Variants in NKAIN2 observed in about 807,000 individuals in gnomAD.
NKAIN2 encodes the protein sodium/potassium transporting ATPase interacting 2.
A neutral mutation model predicts 32.6 loss-of-function variants in NKAIN2; 14 were observed. That is an observed-to-expected ratio of 0.43 (90% CI 0.28 to 0.67). The LOEUF is 0.67. NKAIN2 is among the 30% of genes least tolerant of loss of function. The probability of loss-of-function intolerance (pLI) is 0.17; values close to 1 mark genes in which losing one functional copy is unlikely to be tolerated. For missense variants in NKAIN2, 198 were observed against 258.3 expected, an observed-to-expected ratio of 0.77 and a Z score of 1.60; for synonymous variants, 80 against 87.2, an observed-to-expected ratio of 0.92 and a Z score of 0.46.
chr6:124,176,904 A>G (rs554060953), intron 1 of NKAIN2, among the ~76,000 whole-genome samples: 1 of 152,118 alleles, frequency 6.6e-6, no homozygotes, highest in East Asian at 1.9e-4. Context: ...TATATTGACT[A>G]TTAACTTTTA....
intron 1 of NKAIN2, among the ~76,000 whole-genome samples, chr6:124,097,973 T>TGC (rs1784713907): frequency 6.6e-6 from 1 of 151,022 alleles, no homozygotes; most frequent in East Asian, 1.9e-4. Flanking sequence ...AGATGGACTA[T>TGC]ACTCATTATT....
At chr6:124,380,329 T>C (rs549688517) in intron 3 of NKAIN2, among the ~76,000 whole-genome samples, 2 of 152,340 alleles carry the variant, frequency 1.3e-5, no homozygotes, top group African/African-American at 4.8e-5. Context: ...TGTTAGAGCA[T>C]TTTAGCAGCA....
At chr6:124,214,324 TATA>T (rs573304280) in intron 1 of NKAIN2, among the ~76,000 whole-genome samples, 126 of 152,300 alleles carry the variant, frequency 8.3e-4, no homozygotes, top group African/African-American at 2.9e-3. Context: ...GAGTTTAAAA[TATA>T]ATGTTTTGTC....
chr6:123,870,488 G>A (rs942677478), intron 1 of NKAIN2, among the ~76,000 whole-genome samples: 32 of 152,234 alleles, frequency 2.1e-4, no homozygotes, highest in Non-Finnish European at 4.4e-4. Context: ...CTGTGTATGA[G>A]ACTGAGCAAC....
chr6:124,181,030 C>T (rs965918172), intron 1 of NKAIN2, among the ~76,000 whole-genome samples: 2 of 152,214 alleles, frequency 1.3e-5, no homozygotes, highest in African/African-American at 4.8e-5. Context: ...CTGCAGCACA[C>T]CTCAGCCTGG....
intron 1 of NKAIN2, among the ~76,000 whole-genome samples, chr6:124,177,157 T>A (rs1450266934): frequency 6.6e-6 from 1 of 152,176 alleles, no homozygotes; most frequent in Non-Finnish European, 1.5e-5. Context: ...GTATTTTATA[T>A]CAATTACCAG....
At chr6:124,231,320 G>A (rs1461178362) in intron 1 of NKAIN2, among the ~76,000 whole-genome samples, 1 of 152,310 alleles carries the variant, frequency 6.6e-6, no homozygotes, top group Middle Eastern at 3.4e-3. Context: ...CGGAGGAAGG[G>A]ACTTTCCTTG....
intron 2 of NKAIN2, among the ~76,000 whole-genome samples, chr6:124,289,700 A>C (rs534773566): frequency 3.4e-4 from 52 of 152,250 alleles, no homozygotes; most frequent in African/African-American, 1.1e-3. Context: ...AACAACAATA[A>C]ATCAGGAGCA....
intron 1 of NKAIN2, among the ~76,000 whole-genome samples, chr6:124,028,409 G>A (rs1363051963): frequency 8.4e-6 from 1 of 119,274 alleles, no homozygotes. Flanking sequence ...GGGGAGGGGG[G>A]AGGGATAGCA....
intron 3 of NKAIN2, among the ~76,000 whole-genome samples, chr6:124,361,438 G>T (rs960689021): frequency 1.1e-4 from 16 of 152,008 alleles, no homozygotes; most frequent in African/African-American, 3.4e-4. Context: ...AACTTATAGA[G>T]CGTAAAGGAT....
At chr6:123,915,635 A>C (rs1775452866) in intron 1 of NKAIN2, among the ~76,000 whole-genome samples, 1 of 152,184 alleles carries the variant, frequency 6.6e-6, no homozygotes, top group Non-Finnish European at 1.5e-5. Context: ...TATACACGAG[A>C]GAAAATTCTA....
At chr6:124,822,857 A>G (rs1781448915) in intron 6 of NKAIN2, among the ~76,000 whole-genome samples, 1 of 152,160 alleles carries the variant, frequency 6.6e-6, no homozygotes, top group Non-Finnish European at 1.5e-5. Flanking sequence ...CCAGAGACCT[A>G]TGTGACTGTC....
chr6:123,976,266 TTTCC>T (rs528141545), intron 1 of NKAIN2, among the ~76,000 whole-genome samples: 2,285 of 95,180 alleles, frequency 0.024, 240 homozygotes, highest in East Asian at 0.11. Flanking sequence ...TATATATATG[TTTCC>T]ATATATATGT....
At chr6:124,490,785 A>G (rs1162960434) in intron 3 of NKAIN2, among the ~76,000 whole-genome samples, 1 of 151,768 alleles carries the variant, frequency 6.6e-6, no homozygotes, top group African/African-American at 2.4e-5. Flanking sequence ...ATTAGAAAAT[A>G]AATATTTTTA....
Position 123,964,125 on chromosome 6 carries a change from T to C in NKAIN2, c.54+159871T>C, listed in dbSNP as rs560869190. Among the ~76,000 whole-genome samples, 13 of 152,288 alleles carry C rather than the reference T, an allele frequency of 8.5e-5. No individual in the cohort carries two copies. The South Asian group carries it at 2.7e-3, about 32-fold the overall frequency. On this transcript the variant is annotated intron_variant, in intron 1 of 6. Coordinates refer to ENST00000368417, the MANE Select transcript of NKAIN2 (RefSeq NM_001040214.3). This position sits in a 1 kb window ranked among gnomAD's most constrained non-coding sequence, Gnocchi z 4.0. ...CTAGGGGAAAATACAAGCTGTTTTA[T>C]GGTGTGATTTCCAGGAATGCATTGT... is the stretch of plus-strand genomic sequence containing the variant.
At chr6:124,608,528 G>A (rs1202915168) in intron 3 of NKAIN2, among the ~76,000 whole-genome samples, 1 of 152,134 alleles carries the variant, frequency 6.6e-6, no homozygotes, top group African/African-American at 2.4e-5. Flanking sequence ...GTGAAGTGAA[G>A]GGAGTGTGCC....
chr6:124,756,977 T>C (rs1229506474), intron 4 of NKAIN2, among the ~76,000 whole-genome samples: 2 of 152,152 alleles, frequency 1.3e-5, no homozygotes. Context: ...AAATAAGTTA[T>C]TTGCTTCATT....
chr6:124,299,194 C>G (rs1796194369), intron 2 of NKAIN2, among the ~76,000 whole-genome samples: 1 of 152,188 alleles, frequency 6.6e-6, no homozygotes, highest in African/African-American at 2.4e-5. Flanking sequence ...GCAGCAGAAA[C>G]AGCAGCAGTG....
At chr6:124,355,039 C>T (rs1353416676) in intron 2 of NKAIN2, among the ~76,000 whole-genome samples, 1 of 149,670 alleles carries the variant, frequency 6.7e-6, no homozygotes, top group Non-Finnish European at 1.5e-5. Flanking sequence ...CACTGCACTC[C>T]AGCCTGGGCA....
Sources: allele counts gnomAD v4.1 joint callset (sites outside exome capture counted in the v4.1 genomes callset), GRCh38; gene constraint gnomAD v4.1.1; non-coding constraint Gnocchi (gnomAD v3.1); transcripts MANE v1.5; gene names NCBI Gene and HGNC (gene_info 2026-07-23, HGNC 2026-07-21).